The following IL18RAP variants were observed in gnomAD, a reference collection of about 807,000 sequenced individuals.
IL18RAP encodes the protein interleukin 18 receptor accessory protein.
IL18RAP carries 37 observed loss-of-function variants against 58.1 expected under a neutral mutation model. The observed-to-expected ratio is 0.64, with a 90% CI of 0.49 to 0.84. The LOEUF (loss-of-function observed/expected upper bound fraction) is 0.84. Among genes scored for constraint, IL18RAP ranks in the 40% least tolerant of loss-of-function variants. IL18RAP has a pLI of 0.00. For missense variants in IL18RAP, 667 were observed against 704.8 expected, an observed-to-expected ratio of 0.95 and a Z score of 0.61; for synonymous variants, 268 against 257.5, an observed-to-expected ratio of 1.04 and a Z score of -0.39.
At position 102,424,425 on chromosome 2, in the gene IL18RAP, A is replaced by G. The variant is rs764682157; in HGVS notation, c.579+11A>G. 4 of 1,603,168 alleles carry G rather than the reference A, an allele frequency of 2.5e-6. No individual in the cohort carries two copies. Among genetic ancestry groups the G allele is most frequent in the Admixed American group, 3.4e-5 (2 of 58,372 alleles). ...GTAACCTGGTACAAGGTAAGAGTGA[A>G]TTCTCTAAAATTAATATAAGAGCAT... On this transcript the variant is annotated intron_variant, in intron 3 of 9. Transcript: ENST00000687160.
Position 102,452,422 on chromosome 2 carries a change from C to A in IL18RAP, c.*241C>A, listed in dbSNP as rs1036597790. The A allele has an allele frequency of 4.5e-6, 2 of 446,642 alleles. No individual in the cohort carries two copies. The highest frequency in any genetic ancestry group is 3.9e-6 in the Non-Finnish European group (1 of 253,574). 27.7% of individuals were successfully genotyped at this position (446,642 alleles called of 1,614,324 possible). On this transcript the variant is annotated 3_prime_UTR_variant, in exon 10 of 10. Transcript: ENST00000687160. Reference sequence around the variant, plus strand: ...CCTTGGGTACTTTCAGTACACAACACCCCTAAGATTTCCCAGTGGTCCGAG... The same window carrying A: ...CCTTGGGTACTTTCAGTACACAACAACCCTAAGATTTCCCAGTGGTCCGAG...
rs937096397 is a variant in IL18RAP at position 102,425,292 on chromosome 2, G to A, written c.579+878G>A. Among the ~76,000 whole-genome samples, 5 of 152,122 alleles carry A rather than the reference G, an allele frequency of 3.3e-5. No individual in the cohort carries two copies. In the East Asian group the frequency reaches 9.6e-4, roughly 29 times the overall value. On this transcript the variant is annotated intron_variant, in intron 3 of 9. Coordinates refer to ENST00000687160, the MANE Select transcript of IL18RAP (RefSeq NM_001393487.1). ...CTACTGATTAAAATCAGAAAGATGA[G>A]TTATCTAATGGTTTAATGCACCCCA...
chr2:102,449,666 T>C (rs1683645056), intron 8 of IL18RAP, among the ~76,000 whole-genome samples: 1 of 152,198 alleles, frequency 6.6e-6, no homozygotes, highest in Admixed American at 6.5e-5. Flanking sequence ...ATGTTAGAAT[T>C]CTGGAGGACC....
chr2:102,423,307 G>T lies in IL18RAP; in HGVS notation c.30G>T (p.Trp10Cys). 6.2e-7 allele frequency: 1 copy of T among 1,614,088 alleles called. No homozygotes were observed. Among genetic ancestry groups the T allele is most frequent in the Non-Finnish European group, 8.5e-7 (1 of 1,179,958 alleles). The change falls in exon 1 of 10, where the codon TGG becomes TGT. Residue 10 changes from tryptophan to cysteine, a missense_variant. Transcript: ENST00000687160. Reference sequence around the variant, plus strand: ...TCTGTTTGGGCTGGATATTTCTTTGGCTTGTTGCAGGAGAGCGAATTAAAG... The same window carrying T: ...TCTGTTTGGGCTGGATATTTCTTTGTCTTGTTGCAGGAGAGCGAATTAAAG... MLCLGWIFL[W>C]LVAGERIKGF...
At chr2:102,442,376 A>G (rs541687912) in intron 5 of IL18RAP, among the ~76,000 whole-genome samples, 9 of 152,280 alleles carry the variant, frequency 5.9e-5, no homozygotes, top group Middle Eastern at 3.4e-3. Context: ...ATAAAAATAC[A>G]TGTTATGATA....
At chr2:102,419,778 C>T (rs1337004090), upstream of IL18RAP, 4 of 152,282 alleles carry the variant, frequency 2.6e-5, no homozygotes, top group African/African-American at 7.2e-5. Context: ...GATATGAATC[C>T]CCCTTCTAAT....
chr2:102,447,279 T>C, intron 8 of IL18RAP, 72 bp downstream of exon 8: 1 of 1,502,624 alleles, frequency 6.7e-7, no homozygotes, highest in Non-Finnish European at 9.1e-7. Flanking sequence ...CAACAGAAAA[T>C]ACCATCACTA....
chr2:102,443,793 A>T (rs1683251327), intron 6 of IL18RAP, among the ~76,000 whole-genome samples: 1 of 152,248 alleles, frequency 6.6e-6, no homozygotes, highest in Non-Finnish European at 1.5e-5. Context: ...GAAGCAACTT[A>T]ACCCCGAAAA....
intron 8 of IL18RAP, among the ~76,000 whole-genome samples, chr2:102,447,480 T>A (rs1683497338): frequency 6.6e-6 from 1 of 152,128 alleles, no homozygotes; most frequent in South Asian, 2.1e-4. Context: ...AAACAATTAT[T>A]TTTTTCATTC....
In IL18RAP at chr2:102,445,248, CTCAGCGTGA is replaced by C. The variant is rs1683343223; in HGVS notation, c.983_991del (p.Gln328_Asp330del). The C allele has an allele frequency of 6.2e-7, 1 of 1,613,942 alleles. No individual in the cohort carries two copies. Among genetic ancestry groups the C allele is most frequent in the East Asian group, 2.2e-5 (1 of 44,894 alleles). On this transcript the variant is annotated inframe_deletion, in exon 7 of 10. Coordinates refer to ENST00000687160, the MANE Select transcript of IL18RAP (RefSeq NM_001393487.1). ...CGTAATATCATCTTGGAAAAAGTCA[CTCAGCGTGA>C]TCTTCGCAGGAAGTTTGTTTGCTTT...
At position 102,423,344 on chromosome 2, in the gene IL18RAP, T is replaced by G. The variant is rs112442195; in HGVS notation, c.67T>G (p.Ser23Ala). ...AGAGCGAATTAAAGGATTTAATATT[T>G]CAGGTAGGGGTTTTCACTTTTCATG... ...AGERIKGFNISGCSTKKLLWT... is the reference protein window; with the variant it reads ...AGERIKGFNIAGCSTKKLLWT... Residue 23 changes from serine (S) to alanine (A), a missense_variant, in exon 1 of 10, where the codon TCA becomes GCA. Physicochemically the swap from Ser to Ala is moderately conservative, Grantham distance 99 (BLOSUM62 1). Transcript: ENST00000687160. 5 of 1,613,710 alleles carry G rather than the reference T, an allele frequency of 3.1e-6. No homozygotes were observed. Among genetic ancestry groups the G allele is most frequent in the African/African-American group, 1.3e-5 (1 of 75,012 alleles).
At chr2:102,423,708 A>G (rs1263763761) in intron 1 of IL18RAP, 103 bp from the exon 2 acceptor site, 1 of 843,680 alleles carries the variant, frequency 1.2e-6, no homozygotes. Context: ...AAAGACACAC[A>G]AGGAAGCTAG....
rs755076544 is a variant in IL18RAP, at chr2:102,447,191, G to A, written c.1194G>A (p.Lys398=). The A allele has an allele frequency of 1.2e-6, 2 of 1,613,760 alleles. No individual in the cohort carries two copies. Among genetic ancestry groups the A allele is most frequent in the Non-Finnish European group, 8.5e-7 (1 of 1,179,830 alleles). The change falls in exon 8 of 10, where the codon AAG becomes AAA. Residue 398 remains lysine, a synonymous_variant. Transcript: ENST00000687160. ...IVLLYRTYQS[K]DQTLGDKKDF... ...TGCTGTACCGGACCTACCAGAGCAA[G>A]GATCAGACGCTTGGGGGTAAGTTTA...
intron 8 of IL18RAP, among the ~76,000 whole-genome samples, chr2:102,447,417 G>A (rs1239483698): frequency 6.6e-6 from 1 of 152,168 alleles, no homozygotes; most frequent in Non-Finnish European, 1.5e-5. Flanking sequence ...ATGCCCCTGA[G>A]GTTTTGAGGC....
chr2:102,430,294 T>C (rs1682250472), intron 3 of IL18RAP, among the ~76,000 whole-genome samples: 5 of 152,082 alleles, frequency 3.3e-5, no homozygotes, highest in Admixed American at 3.3e-4. Flanking sequence ...ATGGACTCTT[T>C]ATCATTATAC....
chr2:102,432,101 C>G (rs1558638129), intron 3 of IL18RAP, among the ~76,000 whole-genome samples: 2 of 152,084 alleles, frequency 1.3e-5, no homozygotes, highest in East Asian at 1.9e-4. Flanking sequence ...ACTATGTAGT[C>G]TAGCCTGGGA....
Position 102,423,202 on chromosome 2 carries a change from A to G in IL18RAP, c.-76A>G. 7.7e-7 allele frequency: 1 copy of G among 1,300,468 alleles called. No homozygotes were observed. The highest frequency in any genetic ancestry group is 1.1e-6 in the Non-Finnish European group (1 of 895,180). The allele number at this position is 1,300,468 out of a possible 1,614,324, so 80.6% of individuals were successfully genotyped here. A position where few individuals can be genotyped will look rare whatever the true frequency, so the allele number is the denominator to read the frequency against. ...GAAATGAAGGGGATACTCAGGGCAG[A>G]GTTCTGAATCTCAAAACACTCTACT... On this transcript the variant is annotated 5_prime_UTR_variant, in exon 1 of 10. Transcript: ENST00000687160.
chr2:102,446,753 C>T (rs1573301369), intron 7 of IL18RAP, among the ~76,000 whole-genome samples: 4 of 149,170 alleles, frequency 2.7e-5, no homozygotes, highest in South Asian at 2.1e-4. Flanking sequence ...GTGAGCTGCG[C>T]GCCACTGCAC....
chr2:102,425,414 A>G (rs1212151974), intron 3 of IL18RAP, among the ~76,000 whole-genome samples: 4 of 152,188 alleles, frequency 2.6e-5, no homozygotes, highest in African/African-American at 9.7e-5. Context: ...ATAGGAAGAC[A>G]GATGTTATCA....
Sources: allele counts gnomAD v4.1 joint callset (sites outside exome capture counted in the v4.1 genomes callset), GRCh38; gene constraint gnomAD v4.1.1; transcripts MANE v1.5; gene names NCBI Gene and HGNC (gene_info 2026-07-23, HGNC 2026-07-21).